UBR1: variants seen among roughly 807,000 people sequenced by gnomAD.
UBR1 encodes ubiquitin protein ligase E3 component n-recognin 1, also known as E3 ubiquitin-protein ligase UBR1.
A neutral mutation model predicts 242.1 loss-of-function variants in UBR1; 102 were observed. The observed-to-expected ratio is 0.42, with a 90% CI of 0.36 to 0.50. UBR1 has a LOEUF of 0.50. Among genes scored for constraint, UBR1 ranks in the 20% least tolerant of loss-of-function variants. The pLI, the probability that UBR1 is intolerant of heterozygous loss-of-function variation, is 0.01. For missense variants in UBR1, 1,772 were observed against 2,101.8 expected (o/e 0.84, Z 3.07); for synonymous variants, 675 against 684.8 (o/e 0.99, Z 0.22).
At chr15:43,076,516 C>G (rs1389915123) in intron 3 of UBR1, among the ~76,000 whole-genome samples, 1 of 150,074 alleles carries the variant, frequency 6.7e-6, no homozygotes, top group Non-Finnish European at 1.5e-5. Flanking sequence ...TCTGCCCGGC[C>G]GCCCATCGTC....
At chr15:43,097,647 T>C (rs1421954980) in intron 1 of UBR1, among the ~76,000 whole-genome samples, 4 of 152,256 alleles carry the variant, frequency 2.6e-5, no homozygotes, top group African/African-American at 9.6e-5. Context: ...GCTGCACTTT[T>C]ATGTTGTGGA....
At chr15:42,954,523 G>A (rs2031886322) in intron 44 of UBR1, among the ~76,000 whole-genome samples, 1 of 152,016 alleles carries the variant, frequency 6.6e-6, no homozygotes, top group Non-Finnish European at 1.5e-5. Context: ...CATTCCGCAG[G>A]GCAGTGATTC....
chr15:43,085,912 C>G, intron 2 of UBR1, 72 bp downstream of exon 2: 1 of 1,455,346 alleles, frequency 6.9e-7, no homozygotes. Context: ...CACAGCAAGA[C>G]TCTGTTTCAA....
intron 29 of UBR1, among the ~76,000 whole-genome samples, chr15:43,015,030 G>A (rs1003126896): frequency 2.0e-5 from 3 of 150,180 alleles, no homozygotes; most frequent in African/African-American, 7.4e-5. Context: ...TTGGGGGTCA[G>A]CCCCCGCCCG....
intron 3 of UBR1, among the ~76,000 whole-genome samples, chr15:43,081,616 C>T (rs1023167444): frequency 6.6e-6 from 1 of 151,908 alleles, no homozygotes; most frequent in African/African-American, 2.4e-5. Flanking sequence ...TGTATATATT[C>T]TTGATGAAGT....
rs2031703699 is a variant in UBR1, at chr15:42,944,663, A to G, written c.*666T>C. 1.3e-5 allele frequency: 2 copies of G among 152,982 alleles called. No individual in the cohort carries two copies. Among genetic ancestry groups the G allele is most frequent in the Admixed American group, 6.5e-5 (1 of 15,324 alleles). 9.5% of individuals were successfully genotyped at this position (152,982 alleles called of 1,614,324 possible). A position where few individuals can be genotyped will look rare whatever the true frequency, so the allele number is the denominator to read the frequency against. ...AGAACTGCAAGCTCTTTGTACCGTC[A>G]GGAATGAATAACAAATACATTACCC... On this transcript the variant is annotated 3_prime_UTR_variant, in exon 47 of 47. Coordinates refer to ENST00000290650, the MANE Select transcript of UBR1 (RefSeq NM_174916.3).
rs752882409 is a variant in UBR1, at chr15:43,021,284, C to T, written c.2931G>A (p.Trp977Ter). Residue 977 changes from tryptophan to a stop codon, truncating the protein, a stop_gained, in exon 27 of 47, where the codon TGG (tryptophan) becomes TGA (stop). Coordinates refer to ENST00000290650, the MANE Select transcript of UBR1 (RefSeq NM_174916.3). LOFTEE classifies it high-confidence loss of function. ...QLEGQKDMIT[W>*]ILQMFDTVKR... ...TACTTTTTTAGTTTACCTGAAGTAT[C>T]CACGTTATCATGTCCTTCTGGCCTT... 3 of 1,613,542 alleles carry T rather than the reference C, an allele frequency of 1.9e-6. No individual in the cohort carries two copies. The highest frequency in any genetic ancestry group is 1.1e-5 in the South Asian group (1 of 91,074).
At chr15:43,053,379 T>C (rs2033579119) in intron 12 of UBR1, among the ~76,000 whole-genome samples, 1 of 152,176 alleles carries the variant, frequency 6.6e-6, no homozygotes, top group Non-Finnish European at 1.5e-5. Flanking sequence ...TTCACAGTAA[T>C]GATAGCCATG....
At chr15:43,016,929 T>C (rs547524353) in intron 28 of UBR1, among the ~76,000 whole-genome samples, 166 bp downstream of exon 28, 1 of 152,350 alleles carries the variant, frequency 6.6e-6, no homozygotes, top group Non-Finnish European at 1.5e-5. Flanking sequence ...CACGTACCAT[T>C]AATCTCCACA....
chr15:43,008,479 G>A (rs1175431051), intron 29 of UBR1, among the ~76,000 whole-genome samples: 1 of 152,262 alleles, frequency 6.6e-6, no homozygotes, highest in Non-Finnish European at 1.5e-5. Flanking sequence ...TGGAAGGAAG[G>A]CCAAGAGGAA....
At chr15:42,973,885 G>GTTTT (rs1174730906) in intron 39 of UBR1, among the ~76,000 whole-genome samples, 19 of 120,244 alleles carry the variant, frequency 1.6e-4, no homozygotes, top group East Asian at 2.5e-4. Context: ...ACTTGTAGGA[G>GTTTT]TTTTTTTTTT....
At chr15:43,021,015 T>C in intron 27 of UBR1, 1 of 379,310 alleles carries the variant, frequency 2.6e-6, no homozygotes, top group Non-Finnish European at 4.9e-6. Flanking sequence ...TTGTTCCATC[T>C]AGAAATCTAT....
At chr15:43,054,937 C>T (rs2033598737) in intron 11 of UBR1, 38 bp from the exon 12 acceptor site, 1 of 1,609,550 alleles carries the variant, frequency 6.2e-7, no homozygotes, top group South Asian at 1.1e-5. Context: ...TTAGCATTAA[C>T]TCATTGTGGT....
intron 21 of UBR1, 38 bp downstream of exon 21, chr15:43,029,906 C>T: frequency 3.1e-6 from 5 of 1,611,770 alleles, no homozygotes; most frequent in Non-Finnish European, 4.2e-6. Flanking sequence ...TCTACCCCAT[C>T]TTGAGGTACA....
intron 6 of UBR1, among the ~76,000 whole-genome samples, chr15:43,064,654 G>A (rs1234573800): frequency 1.3e-5 from 2 of 148,778 alleles, no homozygotes; most frequent in Non-Finnish European, 3.0e-5. Flanking sequence ...TCAGTTCACT[G>A]CAACCTCCAC....
At chr15:43,055,868 T>C (rs946387019) in intron 11 of UBR1, among the ~76,000 whole-genome samples, 2 of 152,068 alleles carry the variant, frequency 1.3e-5, no homozygotes, top group Admixed American at 6.5e-5. Flanking sequence ...TGAGCCCAGG[T>C]CGTCCCATTG....
intron 3 of UBR1, among the ~76,000 whole-genome samples, chr15:43,081,658 G>T (rs2033976243): frequency 1.3e-5 from 2 of 151,996 alleles, no homozygotes. Context: ...ATTTTTTAAA[G>T]GGATGGTTTT....
intron 27 of UBR1, among the ~76,000 whole-genome samples, chr15:43,020,588 G>A (rs1273389493): frequency 2.0e-5 from 3 of 152,142 alleles, no homozygotes; most frequent in African/African-American, 7.2e-5. Flanking sequence ...TACAAATATA[G>A]ATTAGGTCAC....
intron 36 of UBR1, among the ~76,000 whole-genome samples, chr15:42,984,666 C>A (rs978238126): frequency 6.6e-6 from 1 of 152,138 alleles, no homozygotes; most frequent in African/African-American, 2.4e-5. Flanking sequence ...CACATGAAAT[C>A]TCTGTATGAA....
Sources: gnomAD v4.1 joint callset for allele counts (sites outside exome capture counted in the v4.1 genomes callset) on GRCh38, gnomAD v4.1.1 for gene constraint, MANE v1.5 for transcripts, NCBI Gene and HGNC (gene_info 2026-07-23, HGNC 2026-07-21) for gene names.